Variants in CAPN3 observed in about 807,000 individuals in gnomAD.
CAPN3 encodes the protein calpain 3, also known as calpain-3.
CAPN3 carries 88 observed loss-of-function variants against 114.0 expected under a neutral mutation model. The ratio of observed to expected loss-of-function variants is 0.77; its 90% confidence interval spans 0.65 to 0.92. The LOEUF is 0.92. CAPN3 is among the 40% of genes least tolerant of loss of function. The pLI is 0.00. For synonymous variants in CAPN3, 386 were observed against 382.9 expected (o/e 1.01, Z -0.09); for missense variants, 1,028 against 1,069.0 (o/e 0.96, Z 0.53).
intron 1 of CAPN3, among the ~76,000 whole-genome samples, chr15:42,368,108 C>T (rs1488858038): frequency 1.3e-5 from 2 of 152,212 alleles, no homozygotes; most frequent in Non-Finnish European, 2.9e-5. Context: ...TTTGCAAATT[C>T]ACCTACTCGC....
At chr15:42,401,397 G>A (rs1355647543) in intron 10 of CAPN3, among the ~76,000 whole-genome samples, 1 of 145,654 alleles carries the variant, frequency 6.9e-6, no homozygotes, top group Non-Finnish European at 1.5e-5. Context: ...CATCAGCAAA[G>A]ACTGAGAATG....
intron 1 of CAPN3, among the ~76,000 whole-genome samples, chr15:42,373,009 T>G (rs1203017338): frequency 6.6e-6 from 1 of 151,474 alleles, no homozygotes; most frequent in Non-Finnish European, 1.5e-5. Flanking sequence ...GCCAATATGG[T>G]GAAACCCAAT....
At chr15:42,408,728 C>G (rs1404766567) in intron 16 of CAPN3, 1 of 354,322 alleles carries the variant, frequency 2.8e-6, no homozygotes, top group African/African-American at 2.1e-5. Flanking sequence ...ATGGGGTCCT[C>G]TAGAGCTCAC....
chr15:42,379,246 G>A (rs958379183), intron 1 of CAPN3, among the ~76,000 whole-genome samples: 2 of 152,104 alleles, frequency 1.3e-5, no homozygotes, highest in African/African-American at 4.8e-5. Context: ...GGGAGGTAGA[G>A]GTTGCAGTGA....
In CAPN3 at chr15:42,412,302, A is replaced by G. The variant is rs2054286130; in HGVS notation, c.*529A>G. 2.2e-6 allele frequency: 2 copies of G among 920,654 alleles called. No individual in the cohort carries two copies. Among genetic ancestry groups the G allele is most frequent in the Admixed American group, 2.3e-5 (1 of 44,112 alleles). The allele number at this position is 920,654 out of a possible 1,614,324, so 57.0% of individuals were successfully genotyped here. On this transcript the variant is annotated 3_prime_UTR_variant, in exon 24 of 24. Coordinates refer to ENST00000397163, the MANE Select transcript of CAPN3 (RefSeq NM_000070.3). ...GAAAAAAGCTGATCTAAATAAAGGC[A>G]TGTGTATGGCTGGTCCCCTTGTGTT...
At chr15:42,371,267 G>A (rs1024464918) in intron 1 of CAPN3, among the ~76,000 whole-genome samples, 1 of 152,116 alleles carries the variant, frequency 6.6e-6, no homozygotes, top group East Asian at 1.9e-4. Context: ...ACTTTTAGGA[G>A]CAACTTCTAT....
In CAPN3 at chr15:42,403,770, G is replaced by C. The variant is rs766266768; in HGVS notation, c.1775G>C (p.Arg592Pro). The change falls in exon 14 of 24, where the codon CGG becomes CCG. Residue 592 changes from arginine (R) to proline (P), a missense_variant. Physicochemically the swap from Arg to Pro is moderately radical, Grantham distance 103. Transcript: ENST00000397163. ...GTTGAAAATACCATCTCCGTGGATC[G>C]GCCAGTGGTGAGTGGTTTAGATCTT... ...EEVENTISVDRPVKKKKTKPI... is the reference protein window; with the variant it reads ...EEVENTISVDPPVKKKKTKPI... The C allele has an allele frequency of 1.9e-6, 3 of 1,613,990 alleles. No individual in the cohort carries two copies. The South Asian group carries it at 3.3e-5, about 18-fold the overall frequency.
intron 15 of CAPN3, among the ~76,000 whole-genome samples, chr15:42,407,554 C>T (rs1401147032): frequency 3.3e-5 from 5 of 152,180 alleles, no homozygotes; most frequent in Non-Finnish European, 7.3e-5. Flanking sequence ...TGGTCTTGAT[C>T]TCCTGACCTT....
chr15:42,412,270 G>A lies in CAPN3; in HGVS notation c.*497G>A, dbSNP rs2054284962. On this transcript the variant is annotated 3_prime_UTR_variant, in exon 24 of 24. Coordinates refer to ENST00000397163, the MANE Select transcript of CAPN3 (RefSeq NM_000070.3). ...GGCTGTCCAACTCATAAGTTTGGCT[G>A]CATTTTGAAAAAAGCTGATCTAAAT... 1.5e-6 allele frequency: 2 copies of A among 1,318,052 alleles called. No individual in the cohort carries two copies. Among genetic ancestry groups the A allele is most frequent in the African/African-American group, 2.9e-5 (2 of 68,156 alleles). The allele number at this position is 1,318,052 out of a possible 1,614,324, so 81.6% of individuals were successfully genotyped here. A position where few individuals can be genotyped will look rare whatever the true frequency, so the allele number is the denominator to read the frequency against.
intron 12 of CAPN3, chr15:42,402,508 T>TG (rs2053901466): frequency 2.8e-6 from 4 of 1,431,078 alleles, no homozygotes; most frequent in Non-Finnish European, 3.6e-6. Flanking sequence ...TAGGCCTCCT[T>TG]GGGGGTCCTT....
intron 12 of CAPN3, 108 bp downstream of exon 12, chr15:42,402,243 G>T: frequency 6.2e-7 from 1 of 1,603,786 alleles, no homozygotes. Context: ...GGGCAGGACT[G>T]TGATAGGAGA....
intron 9 of CAPN3, among the ~76,000 whole-genome samples, chr15:42,397,644 GA>G (rs552359920): frequency 0.011 from 1,531 of 135,208 alleles, 16 homozygotes; most frequent in African/African-American, 0.03. Flanking sequence ...CTCTGTCTTG[GA>G]AAAAAAAAAA....
intron 3 of CAPN3, among the ~76,000 whole-genome samples, chr15:42,386,664 C>T (rs1454905546): frequency 6.6e-6 from 1 of 152,164 alleles, no homozygotes; most frequent in African/African-American, 2.4e-5. Flanking sequence ...TCCAGGGCTC[C>T]TGTATACTTC....
At chr15:42,387,728 C>T in intron 3 of CAPN3, 25 bp from the exon 4 acceptor site, 5 of 1,614,086 alleles carry the variant, frequency 3.1e-6, no homozygotes, top group Non-Finnish European at 4.2e-6. Flanking sequence ...GAGTATGTGA[C>T]TCTGTGCGTG....
At chr15:42,408,078 G>A (rs28364527) in intron 15 of CAPN3, 133 bp from the exon 16 acceptor site, 125 of 667,170 alleles carry the variant, frequency 1.9e-4, no homozygotes, top group Non-Finnish European at 3.2e-4. Flanking sequence ...AGCTTGAACC[G>A]AGGTTGAAGA....
intron 1 of CAPN3, among the ~76,000 whole-genome samples, chr15:42,366,860 G>T (rs1010779887): frequency 2.2e-5 from 3 of 138,262 alleles, no homozygotes; most frequent in African/African-American, 8.6e-5. Context: ...TTGAGACAGG[G>T]TCTCGCTCTG....
At chr15:42,366,757 AG>A (rs35698611) in intron 1 of CAPN3, among the ~76,000 whole-genome samples, 1 of 151,792 alleles carries the variant, frequency 6.6e-6, no homozygotes, top group Non-Finnish European at 1.5e-5. Context: ...AGGAAGCAAC[AG>A]GGCTTGTGAC....
chr15:42,402,252 G>C, intron 12 of CAPN3, 117 bp downstream of exon 12: 1 of 1,601,812 alleles, frequency 6.2e-7, no homozygotes, highest in Non-Finnish European at 8.5e-7. Context: ...TGTGATAGGA[G>C]AGGGCCTTGC....
chr15:42,381,564 A>G (rs895313952), intron 1 of CAPN3, among the ~76,000 whole-genome samples: 7 of 152,140 alleles, frequency 4.6e-5, no homozygotes, highest in Admixed American at 6.6e-5. Flanking sequence ...TTTCTGAGAC[A>G]GAGTCTCACT....
Sources: gnomAD v4.1 joint callset for allele counts (sites outside exome capture counted in the v4.1 genomes callset) on GRCh38, gnomAD v4.1.1 for gene constraint, MANE v1.5 for transcripts, NCBI Gene and HGNC (gene_info 2026-07-23, HGNC 2026-07-21) for gene names.